The following ADAMTSL3 variants were observed in gnomAD, a reference collection of about 807,000 sequenced individuals.
The protein encoded by ADAMTSL3 is ADAMTS like 3, also known as ADAMTS-like protein 3.
In ADAMTSL3, 128 loss-of-function variants were observed where a neutral mutation model predicts 201.7. That is an observed-to-expected ratio of 0.63 (90% CI 0.55 to 0.73). ADAMTSL3 has a LOEUF of 0.73. Among genes scored for constraint, ADAMTSL3 ranks in the 30% least tolerant of loss-of-function variants. ADAMTSL3 has a pLI of 0.00. For missense variants in ADAMTSL3, 1,990 were observed against 2,119.6 expected, an observed-to-expected ratio of 0.94 and a Z score of 1.20; for synonymous variants, 738 against 748.4, an observed-to-expected ratio of 0.99 and a Z score of 0.23.
At chr15:83,753,240 A>T (rs759852046) in intron 3 of ADAMTSL3, among the ~76,000 whole-genome samples, 1 of 152,078 alleles carries the variant, frequency 6.6e-6, no homozygotes. Context: ...CTCACCTACC[A>T]TTTTTAGTCA....
intron 7 of ADAMTSL3, among the ~76,000 whole-genome samples, chr15:83,852,508 A>G (rs930162671): frequency 2.0e-5 from 3 of 152,190 alleles, no homozygotes; most frequent in Admixed American, 6.5e-5. Context: ...TCAGTGTTAC[A>G]ACAACTTTGT....
At chr15:83,840,839 C>T (rs1405194082) in intron 7 of ADAMTSL3, among the ~76,000 whole-genome samples, 3 of 152,152 alleles carry the variant, frequency 2.0e-5, no homozygotes, top group African/African-American at 7.2e-5. Flanking sequence ...TCTTTTCTAA[C>T]AAAAAGCCTG....
At chr15:83,833,918 C>T (rs1295798660) in intron 6 of ADAMTSL3, among the ~76,000 whole-genome samples, 6 of 152,142 alleles carry the variant, frequency 3.9e-5, no homozygotes, top group African/African-American at 1.4e-4. Flanking sequence ...CAAGAGAAGC[C>T]AGAAAACTGG....
intron 20 of ADAMTSL3, among the ~76,000 whole-genome samples, chr15:83,973,236 C>T (rs531984702): frequency 1.1e-4 from 16 of 152,290 alleles, no homozygotes; most frequent in Admixed American, 8.5e-4. Flanking sequence ...GCTTCTTGTT[C>T]TGCCTTACCC....
intron 3 of ADAMTSL3, among the ~76,000 whole-genome samples, chr15:83,727,888 T>G (rs1276453101): frequency 1.3e-5 from 2 of 152,078 alleles, no homozygotes; most frequent in Non-Finnish European, 2.9e-5. Context: ...TCATTTGGTC[T>G]ATAGTGCAGA....
At chr15:83,903,088 C>T (rs963358686) in intron 15 of ADAMTSL3, among the ~76,000 whole-genome samples, 1 of 151,968 alleles carries the variant, frequency 6.6e-6, no homozygotes. Context: ...AAAAAATAAT[C>T]AAAATACCAT....
At chr15:83,911,552 A>C (rs2065935290) in intron 15 of ADAMTSL3, among the ~76,000 whole-genome samples, 2 of 152,204 alleles carry the variant, frequency 1.3e-5, no homozygotes, top group African/African-American at 4.8e-5. Flanking sequence ...GCATTGCCCC[A>C]TCCTGGGGAG....
chr15:83,965,366 A>G (rs1269282194), intron 19 of ADAMTSL3, among the ~76,000 whole-genome samples: 1 of 151,386 alleles, frequency 6.6e-6, no homozygotes, highest in African/African-American at 2.4e-5. Context: ...AAAAAAAAAA[A>G]AAGCAGGGGT....
chr15:83,925,445 G>A (rs932109097), intron 17 of ADAMTSL3, among the ~76,000 whole-genome samples: 1 of 152,158 alleles, frequency 6.6e-6, no homozygotes, highest in Non-Finnish European at 1.5e-5. Flanking sequence ...GGTGAGCAAA[G>A]CAAGGCCCAG....
At chr15:83,999,157 A>G (rs1819072354) in intron 23 of ADAMTSL3, among the ~76,000 whole-genome samples, 1 of 152,208 alleles carries the variant, frequency 6.6e-6, no homozygotes, top group African/African-American at 2.4e-5. Flanking sequence ...CCCTTTCTCT[A>G]AGTCATGGAA....
rs764240537 is a variant in ADAMTSL3, at chr15:83,990,948, G to A, written c.3845-138G>A. 16 of 1,224,464 alleles carry A rather than the reference G, an allele frequency of 1.3e-5. No homozygotes were observed. In the Admixed American group the frequency reaches 1.5e-4, roughly 11 times the overall value. 75.8% of individuals were successfully genotyped at this position (1,224,464 alleles called of 1,614,324 possible). Reference sequence around the variant, plus strand: ...GTATGTATGTGCACATCCCCACGGTGCACCTTGAGGGATACAGAGAGAACC... The same window carrying A: ...GTATGTATGTGCACATCCCCACGGTACACCTTGAGGGATACAGAGAGAACC... On this transcript the variant is annotated intron_variant, in intron 22 of 29. Transcript: ENST00000286744.
intron 3 of ADAMTSL3, among the ~76,000 whole-genome samples, chr15:83,709,532 G>A (rs750971657): frequency 1.3e-5 from 2 of 152,068 alleles, no homozygotes; most frequent in African/African-American, 4.8e-5. Context: ...TCTTTTCATC[G>A]CTGAGTAAGT....
chr15:83,689,042 C>T (rs1487564434), intron 2 of ADAMTSL3, among the ~76,000 whole-genome samples: 2 of 152,112 alleles, frequency 1.3e-5, no homozygotes, highest in African/African-American at 4.8e-5. Flanking sequence ...AGGCTGGTCT[C>T]GAACTCCTGG....
intron 4 of ADAMTSL3, among the ~76,000 whole-genome samples, chr15:83,796,242 C>T (rs2063424002): frequency 6.6e-6 from 1 of 152,122 alleles, no homozygotes; most frequent in African/African-American, 2.4e-5. Flanking sequence ...GGATAACTCT[C>T]ATTATTCAGA....
At chr15:83,926,953 T>G (rs2141997183) in intron 17 of ADAMTSL3, among the ~76,000 whole-genome samples, 1 of 151,958 alleles carries the variant, frequency 6.6e-6, no homozygotes, top group Middle Eastern at 3.4e-3. Context: ...TTGAATCCCT[T>G]TCTATATTTG....
At position 83,945,161 on chromosome 15, in the gene ADAMTSL3, C is replaced by T. The variant is rs78435825; in HGVS notation, c.2490+2079C>T. 8.1e-3 allele frequency among the ~76,000 whole-genome samples: 1,230 copies of T among 152,156 alleles called. 13 individuals carry two copies. The highest frequency in any genetic ancestry group is 0.028 in the African/African-American group (1,151 of 41,520). ...CAGGGTCTACAGAGCAGGAGTTGCC[C>T]TAGGATCCAGCCACCAATACCCACT... On this transcript the variant is annotated intron_variant, in intron 19 of 29. Coordinates refer to ENST00000286744, the MANE Select transcript of ADAMTSL3 (RefSeq NM_207517.3).
chr15:83,882,605 G>A (rs377155352), intron 9 of ADAMTSL3, among the ~76,000 whole-genome samples: 19 of 151,620 alleles, frequency 1.3e-4, no homozygotes, highest in East Asian at 1.9e-4. Context: ...TTTTTGTGTC[G>A]GAAAATATAT....
chr15:83,822,421 T>G (rs1292232860), intron 6 of ADAMTSL3, among the ~76,000 whole-genome samples: 9 of 108,910 alleles, frequency 8.3e-5, no homozygotes, highest in African/African-American at 1.9e-4. Context: ...GGGCGGAGGG[T>G]CTCCTCACTT....
Position 83,865,211 on chromosome 15 carries a change from G to T in ADAMTSL3, c.803-5591G>T, listed in dbSNP as rs187208060. Among the ~76,000 whole-genome samples the T allele has an allele frequency of 2.0e-5, 3 of 152,214 alleles. No individual in the cohort carries two copies. In the East Asian group the frequency reaches 5.8e-4, roughly 29 times the overall value. On this transcript the variant is annotated intron_variant, in intron 8 of 29. Coordinates refer to ENST00000286744, the MANE Select transcript of ADAMTSL3 (RefSeq NM_207517.3). Reference sequence around the variant, plus strand: ...GCCCAAGGTAATTTATAGATTCAACGCCATCCCCATCAAGCTACCAATGAC... The same window carrying T: ...GCCCAAGGTAATTTATAGATTCAACTCCATCCCCATCAAGCTACCAATGAC...
Sources: allele counts gnomAD v4.1 joint callset (sites outside exome capture counted in the v4.1 genomes callset), GRCh38; gene constraint gnomAD v4.1.1; transcripts MANE v1.5; gene names NCBI Gene and HGNC (gene_info 2026-07-23, HGNC 2026-07-21).